Variants in PRDM7 observed in about 807,000 individuals in gnomAD.
PRDM7 encodes PR/SET domain 7, also known as histone-lysine N-methyltransferase PRDM7.
In PRDM7, 52 loss-of-function variants were observed where a neutral mutation model predicts 64.3. The ratio of observed to expected loss-of-function variants is 0.81; its 90% CI spans 0.65 to 1.02. The LOEUF (loss-of-function observed/expected upper bound fraction) is 1.02. Ranked by LOEUF, PRDM7 falls within the 50% of genes least tolerant of loss-of-function variation. The pLI is 0.00. For synonymous variants in PRDM7, 192 were observed against 210.1 expected, an observed-to-expected ratio of 0.91 and a Z score of 0.74; for missense variants, 574 against 597.1, an observed-to-expected ratio of 0.96 and a Z score of 0.40.
At chr16:90,067,193 T>A (rs1193670768) in intron 4 of PRDM7, among the ~76,000 whole-genome samples, 1 of 151,152 alleles carries the variant, frequency 6.6e-6, no homozygotes. Context: ...CTCGAACTCC[T>A]GACCTTAGGT....
At chr16:90,073,802 C>T (rs8060230) in intron 4 of PRDM7, among the ~76,000 whole-genome samples, 3,981 of 151,626 alleles carry the variant, frequency 0.026, 73 homozygotes, top group South Asian at 0.054. Flanking sequence ...CCCCCCGAGA[C>T]GGAGTCTTCT....
chr16:90,060,924 G>A lies in PRDM7; in HGVS notation c.951-301C>T, dbSNP rs2037765664. Among the ~76,000 whole-genome samples, 5 of 152,278 alleles carry A rather than the reference G, an allele frequency of 3.3e-5. No homozygotes were observed. The South Asian group carries it at 1.0e-3, about 32-fold the overall frequency. On this transcript the variant is annotated intron_variant, in intron 9 of 10. Transcript: ENST00000449207. ...GCTCAAGTCCATCTTTCTTTGACAG[G>A]CCTTCCTCTAATCACCCTACAGTTC...
At chr16:90,066,737 T>C (rs761125899) in intron 5 of PRDM7, 124 bp downstream of exon 5, 13 of 800,208 alleles carry the variant, frequency 1.6e-5, no homozygotes, top group Non-Finnish European at 2.5e-5. Context: ...TGGCAGACAC[T>C]GCGCTAAAGA....
Position 90,058,030 on chromosome 16 carries a change from T to A in PRDM7, c.*259A>T. The A allele has an allele frequency of 6.2e-7, 1 of 1,610,924 alleles. No individual in the cohort carries two copies. The highest frequency in any genetic ancestry group is 8.5e-7 in the Non-Finnish European group (1 of 1,177,856). On this transcript the variant is annotated 3_prime_UTR_variant, in exon 11 of 11. Transcript: ENST00000449207. ...CCCACACTCTCTGCAGACGTAGGGC[T>A]TCCCCCCTGTGTGTGTCCTTTGGTG...
In PRDM7 at chr16:90,061,936, A is replaced by T; in HGVS notation, c.867T>A (p.Ser289Arg). ...RITEDEEAAN[S>R]GYSWLITKGR... ...CTCTTCTTACTAGCCAGGAATATCC[A>T]CTGTTGGCTGCCTCTTCGTCTTCTG... Residue 289 changes from serine to arginine, a missense_variant, in exon 8 of 11, where the codon AGT (serine) becomes AGA (arginine). By Grantham distance (110) the Ser-to-Arg change is moderately radical. Transcript: ENST00000449207. The T allele has an allele frequency of 6.2e-7, 1 of 1,614,252 alleles. No homozygotes were observed. The highest frequency in any genetic ancestry group is 8.5e-7 in the Non-Finnish European group (1 of 1,180,050).
chr16:90,066,059 T>C (rs1260640350), intron 5 of PRDM7, among the ~76,000 whole-genome samples: 2 of 151,320 alleles, frequency 1.3e-5, no homozygotes, highest in Admixed American at 1.3e-4. Flanking sequence ...AGGAAGGAGC[T>C]GTTACTGCCT....
intron 4 of PRDM7, among the ~76,000 whole-genome samples, chr16:90,068,231 A>G (rs1379346126): frequency 1.3e-5 from 2 of 150,724 alleles, no homozygotes; most frequent in African/African-American, 2.5e-5. Context: ...GTGAACCGAG[A>G]TCATGCTACT....
chr16:90,073,795 C>T (rs1567880733), intron 4 of PRDM7, among the ~76,000 whole-genome samples: 1 of 151,474 alleles, frequency 6.6e-6, no homozygotes, highest in Non-Finnish European at 1.5e-5. Flanking sequence ...TTTTTTTCCC[C>T]CCGAGACGGA....
Position 90,057,976 on chromosome 16 carries a change from G to A in PRDM7, c.*313C>T. 1.2e-6 allele frequency: 2 copies of A among 1,603,818 alleles called. No homozygotes were observed. Among genetic ancestry groups the A allele is most frequent in the Non-Finnish European group, 1.7e-6 (2 of 1,173,360 alleles). ...CCCCTGTGTGTGTCCTCTGGTGACT[G>A]AGGAGGTCTGACTTCCGGCTAAAGC... On this transcript the variant is annotated 3_prime_UTR_variant, in exon 11 of 11. Coordinates refer to ENST00000449207, the MANE Select transcript of PRDM7 (RefSeq NM_001098173.2).
intron 4 of PRDM7, among the ~76,000 whole-genome samples, chr16:90,072,381 T>C (rs1400606389): frequency 2.6e-5 from 4 of 152,234 alleles, no homozygotes; most frequent in Non-Finnish European, 4.4e-5. Context: ...ATACATGCAG[T>C]AGAATATTAT....
chr16:90,076,100 G>A (rs1195131626), intron 1 of PRDM7, 105 bp from the exon 2 acceptor site: 1 of 672,930 alleles, frequency 1.5e-6, no homozygotes, highest in Non-Finnish European at 2.5e-6. Flanking sequence ...AGGAAGACTG[G>A]GTTCCTGGTG....
chr16:90,068,998 A>T (rs1304223643), intron 4 of PRDM7, among the ~76,000 whole-genome samples: 1 of 151,372 alleles, frequency 6.6e-6, no homozygotes, highest in Non-Finnish European at 1.5e-5. Flanking sequence ...ATTTTCAGAA[A>T]TGGAAAAATA....
At chr16:90,062,305 T>A in intron 7 of PRDM7, 96 bp downstream of exon 7, 1 of 1,613,634 alleles carries the variant, frequency 6.2e-7, no homozygotes, top group Admixed American at 1.7e-5. Flanking sequence ...GTACTTTAAT[T>A]CATTCGAGTA....
intron 5 of PRDM7, among the ~76,000 whole-genome samples, chr16:90,064,104 C>T (rs1478439399): frequency 2.6e-5 from 4 of 152,136 alleles, no homozygotes; most frequent in African/African-American, 9.7e-5. Context: ...CTTCCATAAA[C>T]TAGTAGACTT....
chr16:90,068,001 C>T (rs2037903005), intron 4 of PRDM7, among the ~76,000 whole-genome samples: 1 of 151,236 alleles, frequency 6.6e-6, no homozygotes, highest in South Asian at 2.1e-4. Context: ...TCAACATAGT[C>T]CTGTAAGTCG....
At chr16:90,060,132 A>G (rs947591998) in intron 10 of PRDM7, among the ~76,000 whole-genome samples, 1 of 152,224 alleles carries the variant, frequency 6.6e-6, no homozygotes, top group Non-Finnish European at 1.5e-5. Context: ...AGTACTTTGA[A>G]TATAAAATCG....
At chr16:90,073,494 G>A (rs1479062943) in intron 4 of PRDM7, among the ~76,000 whole-genome samples, 1 of 151,738 alleles carries the variant, frequency 6.6e-6, no homozygotes, top group Non-Finnish European at 1.5e-5. Flanking sequence ...CCGCCTCCCG[G>A]GTTCATGCCA....
intron 4 of PRDM7, among the ~76,000 whole-genome samples, chr16:90,068,634 CAAAAAAAA>C (rs778285091): frequency 2.1e-5 from 2 of 93,432 alleles, no homozygotes; most frequent in African/African-American, 5.2e-5. Flanking sequence ...GACTCCGTCT[CAAAAAAAA>C]AAAAAAAAAA....
chr16:90,062,506 G>A lies in PRDM7; in HGVS notation c.509-4C>T, dbSNP rs754541500. The A allele has an allele frequency of 3.1e-6, 5 of 1,609,994 alleles. No homozygotes were observed. In the East Asian group the frequency reaches 6.7e-5, roughly 22 times the overall value. ...TCAGTCTCCTTCCTCCTGAGTTCTAGGTTGGAGAAGAGTAGATGGGTAAAA... is the reference window on the plus strand; with the variant it reads ...TCAGTCTCCTTCCTCCTGAGTTCTAAGTTGGAGAAGAGTAGATGGGTAAAA... On this transcript the variant is annotated splice_polypyrimidine_tract_variant and splice_region_variant and intron_variant, in intron 6 of 10. Coordinates refer to ENST00000449207, the MANE Select transcript of PRDM7 (RefSeq NM_001098173.2).
Sources: gnomAD v4.1 joint callset for allele counts (sites outside exome capture counted in the v4.1 genomes callset) on GRCh38, gnomAD v4.1.1 for gene constraint, MANE v1.5 for transcripts, NCBI Gene and HGNC (gene_info 2026-07-23, HGNC 2026-07-21) for gene names.